SLC1A3: variants seen among roughly 807,000 people sequenced by gnomAD.
SLC1A3 encodes the protein solute carrier family 1 member 3, also known as excitatory amino acid transporter 1.
SLC1A3 carries 21 observed loss-of-function variants against 48.1 expected under a neutral mutation model. The ratio of observed to expected loss-of-function variants is 0.44; its 90% CI spans 0.31 to 0.63. The LOEUF (loss-of-function observed/expected upper bound fraction) is 0.63. Among genes scored for constraint, SLC1A3 ranks in the 20% least tolerant of loss-of-function variants. The pLI is 0.08. For synonymous variants in SLC1A3, 239 were observed against 251.4 expected (o/e 0.95, Z 0.47); for missense variants, 546 against 689.0 (o/e 0.79, Z 2.32).
intron 3 of SLC1A3, chr5:36,638,824 C>A (rs1269984024): frequency 6.6e-6 from 1 of 152,246 alleles, no homozygotes; most frequent in African/African-American, 2.4e-5. Flanking sequence ...CCCGCCACCA[C>A]GCCCAGCTAA....
intron 3 of SLC1A3, among the ~76,000 whole-genome samples, chr5:36,648,444 C>T (rs574401785): frequency 2.0e-5 from 3 of 152,320 alleles, no homozygotes; most frequent in African/African-American, 7.2e-5. Context: ...CCTTGTACAA[C>T]TTAAAAATGC....
chr5:36,633,060 C>T (rs755367882), intron 3 of SLC1A3, among the ~76,000 whole-genome samples: 7 of 152,134 alleles, frequency 4.6e-5, no homozygotes, highest in African/African-American at 1.4e-4. Flanking sequence ...CAGTTTCTAT[C>T]GATTTGGTCA....
intron 3 of SLC1A3, among the ~76,000 whole-genome samples, chr5:36,664,221 C>T (rs962071296): frequency 1.3e-5 from 2 of 152,176 alleles, no homozygotes; most frequent in African/African-American, 4.8e-5. Flanking sequence ...GCAACCTCTG[C>T]CTCCCAGGTT....
intron 3 of SLC1A3, among the ~76,000 whole-genome samples, chr5:36,670,135 C>T (rs1462894124): frequency 6.6e-6 from 1 of 152,080 alleles, no homozygotes; most frequent in Non-Finnish European, 1.5e-5. Flanking sequence ...AATAGTTTTT[C>T]AGCCCAAAAA....
At chr5:36,642,690 C>G (rs1001518125) in intron 3 of SLC1A3, among the ~76,000 whole-genome samples, 5 of 152,088 alleles carry the variant, frequency 3.3e-5, no homozygotes, top group Non-Finnish European at 5.9e-5. Flanking sequence ...GAAATAAAGC[C>G]TGCATTCGTT....
chr5:36,658,790 G>T (rs1430103888), intron 3 of SLC1A3, among the ~76,000 whole-genome samples: 1 of 152,150 alleles, frequency 6.6e-6, no homozygotes, highest in Non-Finnish European at 1.5e-5. Context: ...CATGGCCTTT[G>T]CAATGTGTAA....
Position 36,680,000 on chromosome 5 carries a change from A to G in SLC1A3, c.1094+140A>G, listed in dbSNP as rs1034181629. 4 of 709,786 alleles carry G rather than the reference A, an allele frequency of 5.6e-6. No homozygotes were observed. The African/African-American group carries it at 7.0e-5, about 12-fold the overall frequency. The allele number at this position is 709,786 out of a possible 1,614,324, so 44.0% of individuals were successfully genotyped here. ...GTTAGCTTTCTCATTTCTGATGTCA[A>G]TCACACCTGTTTGGGATTCAGGAAA... On this transcript the variant is annotated intron_variant, in intron 7 of 9. Coordinates refer to ENST00000265113, the MANE Select transcript of SLC1A3 (RefSeq NM_004172.5).
At chr5:36,672,723 T>C (rs1411854103) in intron 4 of SLC1A3, among the ~76,000 whole-genome samples, 2 of 152,194 alleles carry the variant, frequency 1.3e-5, no homozygotes, top group East Asian at 3.8e-4. Context: ...CCAAGGGGCC[T>C]CTTCTTGAAA....
At chr5:36,636,517 CTT>C (rs1740390507) in intron 3 of SLC1A3, 1 of 140,464 alleles carries the variant, frequency 7.1e-6, no homozygotes, top group Non-Finnish European at 1.5e-5. Flanking sequence ...TTCTTTCTTT[CTT>C]TCTCTCTCTT....
At chr5:36,674,534 A>C (rs1742129928) in intron 5 of SLC1A3, among the ~76,000 whole-genome samples, 3 of 151,816 alleles carry the variant, frequency 2.0e-5, no homozygotes, top group African/African-American at 7.3e-5. Flanking sequence ...CAAGCACCTA[A>C]TGGACTCTAA....
At chr5:36,603,637 G>GA (rs1008567387), upstream of SLC1A3, among the ~76,000 whole-genome samples, 3 of 150,968 alleles carry the variant, frequency 2.0e-5, no homozygotes, top group Admixed American at 6.6e-5. Flanking sequence ...TATTTAAGAA[G>GA]AAAAAAAAAT....
At chr5:36,611,646 C>T (rs931663778) in intron 2 of SLC1A3, among the ~76,000 whole-genome samples, 2 of 152,198 alleles carry the variant, frequency 1.3e-5, no homozygotes, top group Admixed American at 1.3e-4. Context: ...GCTCCACATC[C>T]CTTAGAGGGC....
At chr5:36,663,247 G>T (rs1011998961) in intron 3 of SLC1A3, among the ~76,000 whole-genome samples, 1 of 151,828 alleles carries the variant, frequency 6.6e-6, no homozygotes, top group Non-Finnish European at 1.5e-5. Flanking sequence ...ACGGAGTCTC[G>T]CTCTGTCCCC....
intron 1 of SLC1A3, 25 bp from the exon 2 acceptor site, chr5:36,608,304 C>T (rs1409283549): frequency 3.4e-6 from 3 of 892,574 alleles, no homozygotes; most frequent in Non-Finnish European, 5.3e-6. Context: ...GGCTATAACT[C>T]ATGTCTCTTT....
chr5:36,635,696 C>T (rs1031836411), intron 3 of SLC1A3, among the ~76,000 whole-genome samples: 5 of 152,112 alleles, frequency 3.3e-5, no homozygotes, highest in Admixed American at 2.0e-4. Flanking sequence ...TGTGTAACAC[C>T]CTGGATTCCA....
chr5:36,683,747 C>T (rs1025615997), intron 8 of SLC1A3, 117 bp from the exon 9 acceptor site: 11 of 1,094,230 alleles, frequency 1.0e-5, no homozygotes, highest in Non-Finnish European at 1.1e-5. Flanking sequence ...TTCTGAAGCG[C>T]GTCCTCTTGT....
intron 3 of SLC1A3, chr5:36,636,045 T>TGTGTGTGTGTGTGTGTGTGTGTG (rs1740331233): frequency 7.3e-6 from 1 of 137,724 alleles, no homozygotes; most frequent in African/African-American, 2.8e-5. Context: ...AATTAAATGT[T>TGTGTGTGTGTGTGTGTGTGTGTG]TGTGTGTGTG....
intron 3 of SLC1A3, among the ~76,000 whole-genome samples, chr5:36,665,694 A>G (rs1258616469): frequency 6.6e-6 from 1 of 152,158 alleles, no homozygotes; most frequent in Non-Finnish European, 1.5e-5. Context: ...GGGAGCTTCT[A>G]TTTTTCACAT....
In SLC1A3 at chr5:36,629,315, C is replaced by T. The variant is rs965799627; in HGVS notation, c.182-135C>T. On this transcript the variant is annotated intron_variant, in intron 2 of 9. Coordinates refer to ENST00000265113, the MANE Select transcript of SLC1A3 (RefSeq NM_004172.5). ...GCAAAGATAGATACATCTCTTGCTCCCAAAGCAGCACAGATATTTGCTGCT... is the reference window on the plus strand; with the variant it reads ...GCAAAGATAGATACATCTCTTGCTCTCAAAGCAGCACAGATATTTGCTGCT... 6 of 773,138 alleles carry T rather than the reference C, an allele frequency of 7.8e-6. No individual in the cohort carries two copies. In the African/African-American group the frequency reaches 8.8e-5, roughly 11 times the overall value. 47.9% of individuals were successfully genotyped at this position (773,138 alleles called of 1,614,324 possible).
Sources: gnomAD v4.1 joint callset for allele counts (sites outside exome capture counted in the v4.1 genomes callset) on GRCh38, gnomAD v4.1.1 for gene constraint, MANE v1.5 for transcripts, NCBI Gene and HGNC (gene_info 2026-07-23, HGNC 2026-07-21) for gene names.